The following NEO1 variants were observed in gnomAD, a reference collection of about 807,000 sequenced individuals.
NEO1 encodes the protein neogenin 1.
NEO1 carries 63 observed loss-of-function variants against 159.7 expected under a neutral mutation model. The observed-to-expected ratio is 0.39, with a 90% confidence interval of 0.32 to 0.49. NEO1 has a LOEUF of 0.49. Ranked by LOEUF, NEO1 falls within the 20% of genes least tolerant of loss-of-function variation. The pLI is 0.85. For synonymous variants in NEO1, 633 were observed against 662.0 expected, an observed-to-expected ratio of 0.96 and a Z score of 0.67; for missense variants, 1,615 against 1,831.0, an observed-to-expected ratio of 0.88 and a Z score of 2.15.
chr15:73,086,987 T>C (rs1315499999), intron 1 of NEO1, among the ~76,000 whole-genome samples: 1 of 152,304 alleles, frequency 6.6e-6, no homozygotes, highest in East Asian at 1.9e-4. Flanking sequence ...TTTTCATTTG[T>C]ATGTCTTCTG....
At chr15:73,254,270 A>T (rs1367715178) in intron 12 of NEO1, among the ~76,000 whole-genome samples, 1 of 152,066 alleles carries the variant, frequency 6.6e-6, no homozygotes. Flanking sequence ...CCCTTTTTAA[A>T]GAGTTTTATA....
chr15:73,054,265 TTTTG>T (rs1170228076), intron 1 of NEO1, among the ~76,000 whole-genome samples: 8 of 152,242 alleles, frequency 5.3e-5, no homozygotes, highest in Non-Finnish European at 1.0e-4. Flanking sequence ...AATTTCAAGT[TTTTG>T]TTTAAAGTTT....
At chr15:73,215,808 G>C (rs1471795768) in intron 7 of NEO1, among the ~76,000 whole-genome samples, 19 of 152,104 alleles carry the variant, frequency 1.2e-4, no homozygotes, top group Admixed American at 1.2e-3. Flanking sequence ...GAATGAATTA[G>C]GGAGGGTTCC....
In NEO1 at chr15:73,122,683, A is replaced by G. The variant is rs2071738673; in HGVS notation, c.607A>G (p.Ser203Gly). The G allele has an allele frequency of 1.9e-6, 3 of 1,614,066 alleles. No homozygotes were observed. Among genetic ancestry groups the G allele is most frequent in the African/African-American group, 1.3e-5 (1 of 74,914 alleles). ...LLDDRVIKLPSGMLVISNATE... is the reference protein window; with the variant it reads ...LLDDRVIKLPGGMLVISNATE... ...GGATGATAGAGTTATCAAACTTCCAAGTGGAATGCTGGTTATCAGCAATGC... is the reference window on the plus strand; with the variant it reads ...GGATGATAGAGTTATCAAACTTCCAGGTGGAATGCTGGTTATCAGCAATGC... Residue 203 changes from serine to glycine, a missense_variant, in exon 3 of 29, where the codon AGT becomes GGT. Ser to Gly is a moderately conservative substitution (Grantham distance 56, BLOSUM62 0). Coordinates refer to ENST00000261908, the MANE Select transcript of NEO1 (RefSeq NM_002499.4).
At chr15:73,129,806 T>G (rs2030847703) in intron 4 of NEO1, among the ~76,000 whole-genome samples, 1 of 152,194 alleles carries the variant, frequency 6.6e-6, no homozygotes, top group African/African-American at 2.4e-5. Flanking sequence ...ATTTAAAAAG[T>G]AAATGGAAGA....
intron 7 of NEO1, among the ~76,000 whole-genome samples, chr15:73,196,434 C>T (rs2036536320): frequency 6.6e-6 from 1 of 152,224 alleles, no homozygotes. Context: ...CAGATTAGTA[C>T]TTCTCTGCCT....
intron 26 of NEO1, 72 bp from the exon 27 acceptor site, chr15:73,298,276 G>A: frequency 6.3e-7 from 1 of 1,585,046 alleles, no homozygotes; most frequent in Non-Finnish European, 8.6e-7. Flanking sequence ...ACCCCTAGAA[G>A]TAGCCAAACT....
intron 1 of NEO1, among the ~76,000 whole-genome samples, chr15:73,085,923 A>C (rs1276976964): frequency 6.6e-6 from 1 of 152,108 alleles, no homozygotes; most frequent in Admixed American, 6.6e-5. Flanking sequence ...AATGTCTTTC[A>C]CAGCAAAAGT....
intron 26 of NEO1, among the ~76,000 whole-genome samples, chr15:73,295,287 G>C (rs2042320992): frequency 6.6e-6 from 1 of 151,742 alleles, no homozygotes; most frequent in Non-Finnish European, 1.5e-5. Context: ...GTCTCAAATA[G>C]AACAGAGGAC....
At chr15:73,124,382 T>C (rs905370789) in intron 3 of NEO1, among the ~76,000 whole-genome samples, 2 of 152,120 alleles carry the variant, frequency 1.3e-5, no homozygotes, top group East Asian at 1.9e-4. Context: ...TATTATTAGA[T>C]CTTGTCACAC....
chr15:73,244,625 A>G, intron 9 of NEO1, 127 bp downstream of exon 9: 1 of 1,022,804 alleles, frequency 9.8e-7, no homozygotes, highest in Non-Finnish European at 1.4e-6. Context: ...GTCCTTATCA[A>G]TTAGGGGAGG....
Position 73,122,808 on chromosome 15 carries a change from C to T in NEO1, c.724+8C>T, listed in dbSNP as rs1299839520. Reference sequence around the variant, plus strand: ...AATTGAAGGTTCTTCCAGGTATTAACTCATTATCAGGACTGATGGTTTTAT... The same window carrying T: ...AATTGAAGGTTCTTCCAGGTATTAATTCATTATCAGGACTGATGGTTTTAT... On this transcript the variant is annotated splice_region_variant and intron_variant, in intron 3 of 28. Transcript: ENST00000261908. 3 of 1,613,628 alleles carry T rather than the reference C, an allele frequency of 1.9e-6. No homozygotes were observed. The highest frequency in any genetic ancestry group is 2.2e-5 in the East Asian group (1 of 44,866).
At chr15:73,273,035 C>T (rs932781286) in intron 19 of NEO1, among the ~76,000 whole-genome samples, 6 of 148,170 alleles carry the variant, frequency 4.0e-5, no homozygotes, top group Non-Finnish European at 5.9e-5. Flanking sequence ...AGACCTGCTA[C>T]TTCAAGTACC....
intron 7 of NEO1, among the ~76,000 whole-genome samples, chr15:73,222,443 T>C (rs571931447): frequency 3.7e-4 from 57 of 152,020 alleles, no homozygotes; most frequent in Non-Finnish European, 1.2e-4. Flanking sequence ...CTGCTTGTTA[T>C]TGATCTATTT....
chr15:73,245,345 T>C (rs993198907), intron 9 of NEO1, among the ~76,000 whole-genome samples: 1 of 152,302 alleles, frequency 6.6e-6, no homozygotes, highest in South Asian at 2.1e-4. Flanking sequence ...CTGTGGTCTT[T>C]CGTGCTAAAT....
At chr15:73,278,271 C>T (rs1422063016) in intron 22 of NEO1, 72 bp downstream of exon 22, 2 of 1,348,366 alleles carry the variant, frequency 1.5e-6, no homozygotes, top group East Asian at 2.3e-5. Context: ...TTTGAAATGT[C>T]CTTTATAGCT....
intron 5 of NEO1, among the ~76,000 whole-genome samples, chr15:73,159,836 T>G (rs116008462): frequency 0.013 from 1,993 of 152,308 alleles, 44 homozygotes; most frequent in African/African-American, 0.044. Context: ...TAGATTTTTA[T>G]AGATATTACT....
intron 5 of NEO1, among the ~76,000 whole-genome samples, chr15:73,157,357 A>G (rs1284292641): frequency 6.6e-6 from 1 of 152,204 alleles, no homozygotes; most frequent in Non-Finnish European, 1.5e-5. Flanking sequence ...ACAGCTTGTT[A>G]AGAGCTGGGA....
chr15:73,265,667 T>G (rs2040851826), intron 15 of NEO1, among the ~76,000 whole-genome samples: 1 of 152,168 alleles, frequency 6.6e-6, no homozygotes, highest in African/African-American at 2.4e-5. Context: ...GTCTTACTGA[T>G]TCCATTTGTT....
Sources: allele counts gnomAD v4.1 joint callset (sites outside exome capture counted in the v4.1 genomes callset), GRCh38; gene constraint gnomAD v4.1.1; transcripts MANE v1.5; gene names NCBI Gene and HGNC (gene_info 2026-07-23, HGNC 2026-07-21).